The following ZSCAN4 variants were observed in gnomAD, a reference collection of about 807,000 sequenced individuals.
The protein encoded by ZSCAN4 is zinc finger and SCAN domain-containing protein 4.
In ZSCAN4, 18 loss-of-function variants were observed where a neutral mutation model predicts 18.3. That is an observed-to-expected ratio of 0.98 (90% CI 0.68 to 1.46). ZSCAN4 has a LOEUF of 1.46. Ranked by LOEUF, ZSCAN4 falls within the 40% of genes most tolerant of loss-of-function variation. The pLI is 0.00. For synonymous variants in ZSCAN4, 193 were observed against 180.3 expected, an observed-to-expected ratio of 1.07 and a Z score of -0.57; for missense variants, 498 against 511.4, an observed-to-expected ratio of 0.97 and a Z score of 0.25.
In ZSCAN4 at chr19:57,676,280, GGT is replaced by G; in HGVS notation, c.137_138del (p.Val46AlafsTer9). 6.2e-7 allele frequency: 1 copy of G among 1,614,162 alleles called. No homozygotes were observed. The highest frequency in any genetic ancestry group is 1.1e-5 in the South Asian group (1 of 91,078). ...AAGGGATTTCTGAGTTCTCAAGAATGGTGCTCAATTCATTTCAAGACAGCAAT... is the reference window on the plus strand; with the variant it reads ...AAGGGATTTCTGAGTTCTCAAGAATGGCTCAATTCATTTCAAGACAGCAAT... On this transcript the variant is annotated frameshift_variant, in exon 3 of 5. Transcript: ENST00000318203. LOFTEE classifies it high-confidence loss of function.
At chr19:57,653,941 C>T in the ZSCAN4 span, among the ~76,000 whole-genome samples, 6 of 152,190 alleles carry the variant, frequency 3.9e-5, no homozygotes, top group Admixed American at 6.5e-5. Flanking sequence ...CCCAGTCTGG[C>T]AAGCATTCTT....
chr19:57,665,185 A>G (rs907335492), upstream of ZSCAN4: 2 of 152,254 alleles, frequency 1.3e-5, no homozygotes, highest in African/African-American at 2.4e-5. Context: ...AGAATAGTAA[A>G]GTGGATAGTA....
upstream of ZSCAN4, chr19:57,664,965 G>C (rs1382229474): frequency 6.2e-6 from 1 of 160,052 alleles, no homozygotes; most frequent in Admixed American, 6.4e-5. Context: ...ACCGGCCTGG[G>C]ATTGATGTCC....
At chr19:57,668,076 A>AT (rs1365339736), upstream of ZSCAN4, among the ~76,000 whole-genome samples, 1 of 151,398 alleles carries the variant, frequency 6.6e-6, no homozygotes, top group African/African-American at 2.4e-5. Context: ...TAATTTTTGT[A>AT]TTTTTTTAGT....
chr19:57,676,463 G>T (rs369504920), exon 3 of ZSCAN4: 2 of 1,614,198 alleles, frequency 1.2e-6, no homozygotes, highest in African/African-American at 1.3e-5. Context: ...GTGTGAAAGA[G>T]AAATGGAAAT....
upstream of ZSCAN4, chr19:57,664,392 T>A (rs1340298574): frequency 6.6e-6 from 1 of 152,486 alleles, no homozygotes; most frequent in Non-Finnish European, 1.5e-5. Flanking sequence ...CTGTGGCCGC[T>A]CAGCGTCTGG....
intron 1 of ZSCAN4, among the ~76,000 whole-genome samples, 161 bp from the exon 2 acceptor site, chr19:57,670,084 G>T (rs186561478): frequency 1.3e-5 from 2 of 152,050 alleles, no homozygotes; most frequent in Non-Finnish European, 2.9e-5. Flanking sequence ...TGTATTTTTA[G>T]TAGAGAAAGG....
At chr19:57,665,171 G>A (rs536576013), upstream of ZSCAN4, 3 of 152,422 alleles carry the variant, frequency 2.0e-5, no homozygotes, top group South Asian at 2.1e-4. Flanking sequence ...ATCTCTGCAC[G>A]ATTAGAATAG....
the ZSCAN4 span, among the ~76,000 whole-genome samples, chr19:57,655,918 T>C: frequency 6.6e-6 from 1 of 152,038 alleles, no homozygotes; most frequent in South Asian, 2.1e-4. Flanking sequence ...CACAAGCTCC[T>C]AGAGTCCAAT....
At chr19:57,678,952 T>C (rs766087103) in exon 5 of ZSCAN4, 1 of 1,510,418 alleles carries the variant, frequency 6.6e-7, no homozygotes, top group African/African-American at 1.4e-5. Flanking sequence ...AGTATGTATA[T>C]TCCTATAGTA....
upstream of ZSCAN4, among the ~76,000 whole-genome samples, chr19:57,667,865 C>T (rs1983897420): frequency 7.3e-6 from 1 of 136,076 alleles, no homozygotes; most frequent in African/African-American, 2.7e-5. Context: ...ACATTGTCTA[C>T]ATTTTTCATT....
intron 2 of ZSCAN4, among the ~76,000 whole-genome samples, chr19:57,673,049 T>A (rs28853427): frequency 0.19 from 28,790 of 151,058 alleles, 3,543 homozygotes; most frequent in African/African-American, 0.36. Context: ...TTAATTAATT[T>A]ATTTATTTAT....
rs141387309 is a variant in ZSCAN4, at chr19:57,671,908, C to T, written c.-106+1341C>T. Reference sequence around the variant, plus strand: ...AATCAGTTAGGTTTTTGTGTGTCCACGTATTACTCCTACCATTTTCTGATT... The same window carrying T: ...AATCAGTTAGGTTTTTGTGTGTCCATGTATTACTCCTACCATTTTCTGATT... On this transcript the variant is annotated intron_variant, in intron 2 of 4. Transcript: ENST00000318203. 2.8e-4 allele frequency among the ~76,000 whole-genome samples: 43 copies of T among 152,268 alleles called. 1 individual carries two copies. The highest frequency in any genetic ancestry group is 9.4e-4 in the African/African-American group (39 of 41,556).
intron 1 of ZSCAN4, among the ~76,000 whole-genome samples, 191 bp from the exon 2 acceptor site, chr19:57,670,054 C>G (rs962932635): frequency 6.6e-6 from 1 of 151,960 alleles, no homozygotes; most frequent in Non-Finnish European, 1.5e-5. Flanking sequence ...AGGTGCCCAC[C>G]ACCATGCCCG....
the ZSCAN4 span, among the ~76,000 whole-genome samples, chr19:57,657,181 G>A: frequency 9.9e-5 from 15 of 151,626 alleles, no homozygotes; most frequent in East Asian, 3.9e-4. Context: ...GCTTGAACCC[G>A]GGAGGCAGAG....
intron 2 of ZSCAN4, among the ~76,000 whole-genome samples, chr19:57,671,691 C>G (rs1984028365): frequency 6.6e-6 from 1 of 152,078 alleles, no homozygotes; most frequent in South Asian, 2.1e-4. Context: ...AGCAGATTAG[C>G]ATTTTATAAA....
In ZSCAN4 at chr19:57,676,170, T is replaced by A. The variant is rs368303085; in HGVS notation, c.25T>A (p.Phe9Ile). The A allele has an allele frequency of 3.7e-6, 6 of 1,612,636 alleles. No individual in the cohort carries two copies. The South Asian group carries it at 6.6e-5, about 18-fold the overall frequency. The change falls in exon 3 of 5, where the codon TTT becomes ATT. Residue 9 changes from phenylalanine (F) to isoleucine (I), a missense_variant. Physicochemically the swap from Phe to Ile is conservative, Grantham distance 21. Transcript: ENST00000318203. ...AATGGCTTTAGATCTAAGAACCATATTTCAGTGTGAACCATCCGAGAATAA... is the reference window on the plus strand; with the variant it reads ...AATGGCTTTAGATCTAAGAACCATAATTCAGTGTGAACCATCCGAGAATAA...
chr19:57,678,427 T>G, exon 5 of ZSCAN4: 1 of 1,614,030 alleles, frequency 6.2e-7, no homozygotes, highest in Non-Finnish European at 8.5e-7. Flanking sequence ...GCAGGGTGTA[T>G]CTCTCAACCA....
the ZSCAN4 span, among the ~76,000 whole-genome samples, chr19:57,651,892 C>T: frequency 6.6e-6 from 1 of 152,150 alleles, no homozygotes; most frequent in African/African-American, 2.4e-5. Flanking sequence ...GGTGAGTTCC[C>T]CCTTTCCCCC....
Sources: gnomAD v4.1 joint callset for allele counts (sites outside exome capture counted in the v4.1 genomes callset) on GRCh38, gnomAD v4.1.1 for gene constraint, MANE v1.5 for transcripts, NCBI Gene and HGNC (gene_info 2026-07-23, HGNC 2026-07-21) for gene names.